The following NXF1 variants were observed in gnomAD, a reference collection of about 807,000 sequenced individuals.
The protein encoded by NXF1 is mRNA export factor TAP.
Under a neutral mutation model 92.4 loss-of-function variants are expected in NXF1, and 43 were observed. The ratio of observed to expected loss-of-function variants is 0.47; its 90% confidence interval spans 0.36 to 0.60. The LOEUF (loss-of-function observed/expected upper bound fraction) is 0.60. NXF1 is among the 20% of genes least tolerant of loss of function. The pLI is 0.00. For missense variants in NXF1, 576 were observed against 793.0 expected (o/e 0.73, Z 3.29); for synonymous variants, 288 against 292.2 (o/e 0.99, Z 0.15).
chr11:62,795,131 A>T, intron 17 of NXF1, 124 bp from the exon 18 acceptor site: 1 of 868,538 alleles, frequency 1.2e-6, no homozygotes, highest in Non-Finnish European at 1.8e-6. Context: ...TTAAGTATAT[A>T]AGGGTATAAG....
chr11:62,792,429 T>G lies in NXF1; in HGVS notation c.*47A>C, dbSNP rs1414611268. The G allele has an allele frequency of 6.2e-7, 1 of 1,609,728 alleles. No individual in the cohort carries two copies. The highest frequency in any genetic ancestry group is 1.3e-5 in the African/African-American group (1 of 74,776). ...GACAGACGACAACCAGACGGTAATA[T>G]CCAAGGACTATTTACAGGGGGGACT... On this transcript the variant is annotated 3_prime_UTR_variant, in exon 21 of 21. Transcript: ENST00000294172.
intron 9 of NXF1, among the ~76,000 whole-genome samples, chr11:62,800,734 C>G (rs2084469866): frequency 6.6e-6 from 1 of 151,694 alleles, no homozygotes; most frequent in Non-Finnish European, 1.5e-5. Context: ...TCCTGGGTAG[C>G]TAGGACTACA....
chr11:62,795,699 T>C (rs2084412631), intron 17 of NXF1, among the ~76,000 whole-genome samples: 1 of 152,134 alleles, frequency 6.6e-6, no homozygotes, highest in Admixed American at 6.5e-5. Context: ...GACTCCAAAG[T>C]CCTCCTAATC....
chr11:62,795,403 G>C (rs1834784507), intron 17 of NXF1: 1 of 201,482 alleles, frequency 5.0e-6, no homozygotes, highest in Non-Finnish European at 1.0e-5. Flanking sequence ...TTGAACCCAG[G>C]AGACGGAGGT....
At chr11:62,798,126 CA>C (rs34495263) in intron 11 of NXF1, among the ~76,000 whole-genome samples, 20,162 of 98,522 alleles carry the variant, frequency 0.2, 2,637 homozygotes, top group African/African-American at 0.44. Flanking sequence ...AGACTCCATC[CA>C]AAAAAAAAAA....
chr11:62,802,929 C>T (rs1245790920), intron 3 of NXF1, among the ~76,000 whole-genome samples: 2 of 152,190 alleles, frequency 1.3e-5, no homozygotes, highest in Non-Finnish European at 2.9e-5. Flanking sequence ...TTTCATATTT[C>T]TCTTCCACCC....
intron 19 of NXF1, 94 bp downstream of exon 19, chr11:62,794,163 TC>T: frequency 8.7e-7 from 1 of 1,147,074 alleles, no homozygotes; most frequent in Non-Finnish European, 1.2e-6. Flanking sequence ...AGAACTTGTC[TC>T]CAAAAAAAAA....
chr11:62,795,014 T>C lies in NXF1; in HGVS notation c.1505-7A>G, dbSNP rs2084405867. 1 of 1,613,894 alleles carries C rather than the reference T, an allele frequency of 6.2e-7. No individual in the cohort carries two copies. The highest frequency in any genetic ancestry group is 1.3e-5 in the African/African-American group (1 of 75,052). ...TCCCGGGACTTTCCGTCCACTGCAA[T>C]AAGAACAGCAACAACACCTTAGGGT... is the stretch of plus-strand genomic sequence containing the variant. On this transcript the variant is annotated splice_region_variant and splice_polypyrimidine_tract_variant and intron_variant, in intron 17 of 20. Transcript: ENST00000294172.
chr11:62,801,624 A>G lies in NXF1; in HGVS notation c.647T>C (p.Met216Thr). The G allele has an allele frequency of 6.2e-7, 1 of 1,612,494 alleles. No individual in the cohort carries two copies. Among genetic ancestry groups the G allele is most frequent in the Non-Finnish European group, 8.5e-7 (1 of 1,179,808 alleles). Residue 216 changes from methionine to threonine, a missense_variant, in exon 7 of 21, where the codon ATG (methionine) becomes ACG (threonine). This residue lies in a region of NXF1 where 425 missense variants were observed against 635.2 expected (regional missense o/e 0.67). Coordinates refer to ENST00000294172, the MANE Select transcript of NXF1 (RefSeq NM_006362.5). ...TTGGGAGCCATCGTATCGTTTGCTC[A>G]TGATCAGCTAGAGGAAAAAGAAGGG... is the stretch of plus-strand genomic sequence containing the variant. ...PEQVEQLKLI[M>T]SKRYDGSQQA... is the part of the protein sequence containing the mutation.
intron 10 of NXF1, chr11:62,800,006 CAGGCTCTTGGCACA>C (rs948325579): frequency 7.9e-6 from 8 of 1,018,052 alleles, no homozygotes; most frequent in Non-Finnish European, 9.4e-6. Context: ...CCATGGACAC[CAGGCTCTTGGCACA>C]AGGCAACCCC....
chr11:62,798,652 C>A, intron 10 of NXF1, 77 bp from the exon 11 acceptor site: 1 of 1,600,654 alleles, frequency 6.2e-7, no homozygotes, highest in Non-Finnish European at 8.5e-7. Flanking sequence ...GCAAATATAC[C>A]AAACCCGAGG....
intron 18 of NXF1, 156 bp downstream of exon 18, chr11:62,794,779 G>A: frequency 1.5e-6 from 1 of 678,922 alleles, no homozygotes; most frequent in Non-Finnish European, 2.5e-6. Context: ...CAATTCCAGA[G>A]CCAAGCTATT....
intron 10 of NXF1, chr11:62,799,207 G>A (rs765562764): frequency 4.8e-4 from 474 of 985,686 alleles, no homozygotes; most frequent in Non-Finnish European, 5.4e-4. Flanking sequence ...AGGCAAAAAA[G>A]CATCTAGAAA....
chr11:62,801,286 A>G (rs2084475844), intron 8 of NXF1, 43 bp downstream of exon 8: 1 of 1,609,188 alleles, frequency 6.2e-7, no homozygotes, highest in African/African-American at 1.3e-5. Flanking sequence ...CCTATCTAAC[A>G]CACCCTGCTT....
chr11:62,800,177 CAGAAG>C (rs2084463086), intron 10 of NXF1, 195 bp downstream of exon 10: 4 of 1,407,728 alleles, frequency 2.8e-6, no homozygotes, highest in African/African-American at 1.4e-5. Flanking sequence ...ATAGTCAAGT[CAGAAG>C]AGAAGAGAGA....
chr11:62,805,298 G>A, intron 1 of NXF1, 31 bp downstream of exon 1: 1 of 1,593,482 alleles, frequency 6.3e-7, no homozygotes, highest in South Asian at 1.1e-5. Context: ...GCCCCAGATA[G>A]CCAGTTCCCG....
chr11:62,802,211 T>C lies in NXF1; in HGVS notation c.419A>G (p.Gln140Arg). 6.2e-7 allele frequency: 1 copy of C among 1,614,220 alleles called. No individual in the cohort carries two copies. Among genetic ancestry groups the C allele is most frequent in the South Asian group, 1.1e-5 (1 of 91,084 alleles). Residue 140 changes from glutamine to arginine, a missense_variant, in exon 4 of 21, where the codon CAG becomes CGG. Gln to Arg is a conservative substitution (Grantham distance 43). Coordinates refer to ENST00000294172, the MANE Select transcript of NXF1 (RefSeq NM_006362.5). ...YDKAWLLSMI[Q>R]SKCSVPFTPI... is the part of the protein sequence containing the mutation. ...GGTGAAGGGCACACTGCACTTGCTCTGAATCATGCTCAGGAGCCATGCCTT... is the reference window on the plus strand; with the variant it reads ...GGTGAAGGGCACACTGCACTTGCTCCGAATCATGCTCAGGAGCCATGCCTT...
chr11:62,797,471 A>G lies in NXF1; in HGVS notation c.1054-85T>C. The G allele has an allele frequency of 4.2e-6, 5 of 1,198,844 alleles. No homozygotes were observed. In the South Asian group the frequency reaches 6.6e-5, roughly 16 times the overall value. 74.3% of individuals were successfully genotyped at this position (1,198,844 alleles called of 1,614,324 possible). On this transcript the variant is annotated intron_variant, in intron 11 of 20. Coordinates refer to ENST00000294172, the MANE Select transcript of NXF1 (RefSeq NM_006362.5). ...TCCCAGAACTTTGGGAGGCCGAGGC[A>G]GGCAGATGGCTTGAGCTCAGGAGTT... is the stretch of plus-strand genomic sequence containing the variant.
intron 19 of NXF1, 91 bp downstream of exon 19, chr11:62,794,167 A>T: frequency 1.5e-6 from 2 of 1,312,576 alleles, no homozygotes; most frequent in Non-Finnish European, 2.1e-6. Flanking sequence ...CTTGTCTCCA[A>T]AAAAAAAACA....
Sources: gnomAD v4.1 joint callset for allele counts (sites outside exome capture counted in the v4.1 genomes callset) on GRCh38, gnomAD v4.1.1 for gene constraint, gnomAD v4.1.1 regional missense constraint, MANE v1.5 for transcripts, NCBI Gene and HGNC (gene_info 2026-07-23, HGNC 2026-07-21) for gene names.